Variants in CADM2 observed in about 807,000 individuals in gnomAD.
CADM2 encodes the protein cell adhesion molecule 2, also known as immunoglobulin superfamily member 4D.
In CADM2, 12 loss-of-function variants were observed where a neutral mutation model predicts 49.8. The ratio of observed to expected loss-of-function variants is 0.24; its 90% confidence interval spans 0.15 to 0.39. The LOEUF is 0.39. CADM2 is among the 10% of genes least tolerant of loss of function. The probability of loss-of-function intolerance (pLI) is 1.00; values close to 1 mark genes in which losing one functional copy is unlikely to be tolerated. For synonymous variants in CADM2, 214 were observed against 175.4 expected, an observed-to-expected ratio of 1.22 and a Z score of -1.74; for missense variants, 378 against 492.3, an observed-to-expected ratio of 0.77 and a Z score of 2.20.
chr3:85,073,285 GATCT>G (rs1321703088), intron 1 of CADM2, among the ~76,000 whole-genome samples: 2 of 152,100 alleles, frequency 1.3e-5, no homozygotes, highest in Non-Finnish European at 2.9e-5. Flanking sequence ...GACTTTACGT[GATCT>G]ATCTGTCTCT....
chr3:85,401,125 T>C (rs2035086237), intron 1 of CADM2, among the ~76,000 whole-genome samples: 1 of 152,174 alleles, frequency 6.6e-6, no homozygotes, highest in Non-Finnish European at 1.5e-5. Flanking sequence ...CTTTGGCTCC[T>C]CCTCTCACCA....
intron 1 of CADM2, among the ~76,000 whole-genome samples, chr3:85,064,630 T>C (rs1397712372): frequency 6.6e-6 from 1 of 152,138 alleles, no homozygotes; most frequent in East Asian, 1.9e-4. Flanking sequence ...GAAGAAGGGC[T>C]ATTCTTAAAG....
chr3:85,873,880 C>T (rs1380886154), intron 3 of CADM2, among the ~76,000 whole-genome samples: 1 of 151,920 alleles, frequency 6.6e-6, no homozygotes, highest in Admixed American at 6.6e-5. Context: ...CACTCACCTC[C>T]TTCATCCCCA....
intron 1 of CADM2, among the ~76,000 whole-genome samples, chr3:85,077,302 G>A (rs970474766): frequency 6.6e-6 from 1 of 152,056 alleles, no homozygotes; most frequent in South Asian, 2.1e-4. Flanking sequence ...ATTGGAAAGG[G>A]TGACTAAGGC....
chr3:85,850,272 G>C (rs1264820374), intron 3 of CADM2, among the ~76,000 whole-genome samples: 1 of 148,558 alleles, frequency 6.7e-6, no homozygotes. Context: ...AACTTGATCA[G>C]TGTGGCTACC....
At chr3:85,517,001 T>G (rs908415817) in intron 1 of CADM2, among the ~76,000 whole-genome samples, 2 of 151,978 alleles carry the variant, frequency 1.3e-5, no homozygotes, top group African/African-American at 4.8e-5. Context: ...TCATTTTTAT[T>G]TATGCACAAT....
intron 1 of CADM2, among the ~76,000 whole-genome samples, chr3:85,039,252 C>T (rs1576092193): frequency 6.6e-6 from 1 of 152,140 alleles, no homozygotes; most frequent in South Asian, 2.1e-4. Context: ...CCACCCACCT[C>T]GGCCTCCCAA....
At chr3:85,987,640 T>C (rs928049855) in intron 8 of CADM2, among the ~76,000 whole-genome samples, 1 of 146,846 alleles carries the variant, frequency 6.8e-6, no homozygotes, top group African/African-American at 2.5e-5. Context: ...TATAATAAAA[T>C]ATGTTTATAT....
chr3:85,399,013 C>T (rs962175190), intron 1 of CADM2, among the ~76,000 whole-genome samples: 7 of 152,270 alleles, frequency 4.6e-5, no homozygotes, highest in African/African-American at 1.7e-4. Flanking sequence ...TTAATTAGAT[C>T]CCATTTGTCA....
At chr3:85,764,693 A>G (rs2107917116) in intron 2 of CADM2, among the ~76,000 whole-genome samples, 1 of 152,156 alleles carries the variant, frequency 6.6e-6, no homozygotes, top group Non-Finnish European at 1.5e-5. Flanking sequence ...CATTTCAAGA[A>G]AGGACTGTGG....
intron 3 of CADM2, among the ~76,000 whole-genome samples, chr3:85,849,142 G>A (rs150850228): frequency 1.3e-5 from 2 of 152,278 alleles, no homozygotes; most frequent in Non-Finnish European, 1.5e-5. Flanking sequence ...AGGACAGCAA[G>A]CCACCTCTGT....
chr3:85,558,275 A>G (rs1287055655), intron 1 of CADM2, among the ~76,000 whole-genome samples: 1 of 152,010 alleles, frequency 6.6e-6, no homozygotes, highest in Non-Finnish European at 1.5e-5. Flanking sequence ...GCCTGACTCT[A>G]TTGCTCTCCA....
chr3:85,168,758 A>G (rs905560196), intron 1 of CADM2, among the ~76,000 whole-genome samples: 9 of 152,142 alleles, frequency 5.9e-5, no homozygotes, highest in Non-Finnish European at 1.3e-4. Flanking sequence ...TTCCAATGCA[A>G]CCTGGATTTC....
chr3:85,970,260 CAT>C, intron 8 of CADM2, among the ~76,000 whole-genome samples: 1 of 151,426 alleles, frequency 6.6e-6, no homozygotes, highest in South Asian at 2.1e-4. Context: ...TATGTGTTTT[CAT>C]CTTTTTGCAA....
intron 8 of CADM2, among the ~76,000 whole-genome samples, chr3:86,008,399 A>G (rs1003735075): frequency 6.6e-6 from 1 of 152,024 alleles, no homozygotes; most frequent in Non-Finnish European, 1.5e-5. Context: ...GTGTGAAAAA[A>G]TATAAGTCAG....
intron 3 of CADM2, among the ~76,000 whole-genome samples, chr3:85,812,547 ATTT>A (rs1343785561): frequency 6.6e-6 from 1 of 151,916 alleles, no homozygotes; most frequent in Non-Finnish European, 1.5e-5. Flanking sequence ...TAATTTTTTA[ATTT>A]TTATTTTTTA....
chr3:85,926,173 T>A (rs566929433), intron 6 of CADM2, among the ~76,000 whole-genome samples: 1 of 137,816 alleles, frequency 7.3e-6, no homozygotes, highest in South Asian at 2.3e-4. Flanking sequence ...AATAAATAAA[T>A]AAATAGAAAA....
intron 8 of CADM2, among the ~76,000 whole-genome samples, chr3:86,022,804 C>G (rs1733362918): frequency 6.6e-6 from 1 of 152,064 alleles, no homozygotes; most frequent in Non-Finnish European, 1.5e-5. Flanking sequence ...TCAGTTATTC[C>G]TTGCCCTCAT....
At chr3:86,047,146 T>C (rs1736780377) in intron 8 of CADM2, among the ~76,000 whole-genome samples, 2 of 152,282 alleles carry the variant, frequency 1.3e-5, no homozygotes, top group South Asian at 4.1e-4. Context: ...AAAATAAACA[T>C]AGCTCTATTA....
Sources: allele counts gnomAD v4.1 joint callset (sites outside exome capture counted in the v4.1 genomes callset), GRCh38; gene constraint gnomAD v4.1.1; transcripts MANE v1.5; gene names NCBI Gene and HGNC (gene_info 2026-07-23, HGNC 2026-07-21).